The following CFAP46 variants were observed in gnomAD, a reference collection of about 807,000 sequenced individuals.
CFAP46 encodes the protein cilia and flagella associated protein 46, also known as cilia- and flagella-associated protein 46.
CFAP46 carries 245 observed loss-of-function variants against 325.7 expected under a neutral mutation model. That is an observed-to-expected ratio of 0.75 (90% CI 0.68 to 0.84). The LOEUF is 0.84. CFAP46 is among the 40% of genes least tolerant of loss of function. CFAP46 has a pLI of 0.00. For synonymous variants in CFAP46, 1,523 were observed against 1,495.9 expected (o/e 1.02, Z -0.42); for missense variants, 3,346 against 3,543.0 (o/e 0.94, Z 1.41).
chr10:132,853,172 G>A (rs7079097), intron 39 of CFAP46, among the ~76,000 whole-genome samples: 12,073 of 152,180 alleles, frequency 0.079, 1,227 homozygotes, highest in African/African-American at 0.24. Context: ...CAATTGTGAC[G>A]TTAGCTCTAG....
chr10:132,923,641 G>A (rs1012089289), intron 11 of CFAP46, among the ~76,000 whole-genome samples: 2 of 152,198 alleles, frequency 1.3e-5, no homozygotes, highest in East Asian at 1.9e-4. Context: ...AGGAGCCTGC[G>A]TTTGATGGCC....
chr10:132,884,999 C>A lies in CFAP46; in HGVS notation c.3627+104G>T. 2 of 1,243,408 alleles carry A rather than the reference C, an allele frequency of 1.6e-6. No homozygotes were observed. Among genetic ancestry groups the A allele is most frequent in the Non-Finnish European group, 2.2e-6 (2 of 912,734 alleles). The allele number at this position is 1,243,408 out of a possible 1,614,324, so 77.0% of individuals were successfully genotyped here. A position where few individuals can be genotyped will look rare whatever the true frequency, so the allele number is the denominator to read the frequency against. ...GTGCCCGTCAGCTGTGGCTGCTCTGCGTGCTGCCCCACACCAGGTCCCTGC... is the reference window on the plus strand; with the variant it reads ...GTGCCCGTCAGCTGTGGCTGCTCTGAGTGCTGCCCCACACCAGGTCCCTGC... On this transcript the variant is annotated intron_variant, in intron 27 of 57. Coordinates refer to ENST00000368586, the MANE Select transcript of CFAP46 (RefSeq NM_001200049.3). The surrounding 1 kb of genome is among the most constrained non-coding windows in gnomAD (Gnocchi z 5.4).
chr10:132,937,154 T>C (rs1564806710), intron 6 of CFAP46, 99 bp from the exon 7 acceptor site: 4 of 652,820 alleles, frequency 6.1e-6, no homozygotes, highest in Non-Finnish European at 9.3e-6. Context: ...ATTTTGTATC[T>C]AGCTTTTCAG....
chr10:132,832,801 G>A lies in CFAP46; in HGVS notation c.7117+557C>T. On this transcript the variant is annotated intron_variant, in intron 50 of 57. Coordinates refer to ENST00000368586, the MANE Select transcript of CFAP46 (RefSeq NM_001200049.3). This position sits in a 1 kb window ranked among gnomAD's most constrained non-coding sequence, Gnocchi z 4.1. ...CGCGCGCTCCCTCGTGCTTTTCACT[G>A]TCTGAGTGATTAACGGAGAGGCTGG... The A allele has an allele frequency of 2.1e-6, 1 of 471,174 alleles. No homozygotes were observed. Among genetic ancestry groups the A allele is most frequent in the Non-Finnish European group, 4.4e-6 (1 of 227,044 alleles). 29.2% of individuals were successfully genotyped at this position (471,174 alleles called of 1,614,324 possible).
intron 39 of CFAP46, among the ~76,000 whole-genome samples, chr10:132,854,162 C>T (rs914712060): frequency 5.9e-5 from 9 of 152,070 alleles, no homozygotes; most frequent in Non-Finnish European, 1.2e-4. Flanking sequence ...ATTTCCATCT[C>T]GGTATTGAAT....
rs555529702 is a variant in CFAP46 at position 132,916,989 on chromosome 10, G to A, written c.1987-307C>T. 3.9e-5 allele frequency among the ~76,000 whole-genome samples: 6 copies of A among 152,296 alleles called. No individual in the cohort carries two copies. The East Asian group carries it at 5.8e-4, about 15-fold the overall frequency. On this transcript the variant is annotated intron_variant, in intron 16 of 57. Transcript: ENST00000368586. ...TGGCTTCCCGGTATCAGCAGACACC[G>A]GCCAGCATTTGCACCTCCCCTACGT...
intron 20 of CFAP46, among the ~76,000 whole-genome samples, chr10:132,909,560 C>T (rs1849509578): frequency 6.6e-6 from 1 of 152,152 alleles, no homozygotes; most frequent in African/African-American, 2.4e-5. Context: ...TGGACCCTCC[C>T]CGCCTCCCTG....
At position 132,880,949 on chromosome 10, in the gene CFAP46, GTCC is replaced by G; in HGVS notation, c.3708_3710del (p.Glu1236del). 6.4e-7 allele frequency: 1 copy of G among 1,550,476 alleles called. No homozygotes were observed. The highest frequency in any genetic ancestry group is 8.7e-7 in the Non-Finnish European group (1 of 1,146,956). On this transcript the variant is annotated inframe_deletion, in exon 28 of 58. Transcript: ENST00000368586. Reference sequence around the variant, plus strand: ...CAGCCCAGCGGAGGTGGAAGACCACGTCCTCGAGAGGAAAGTGTCTGTGATGGA... The same window carrying G: ...CAGCCCAGCGGAGGTGGAAGACCACGTCGAGAGGAAAGTGTCTGTGATGGA...
chr10:132,864,373 CAG>C (rs1342218473), intron 35 of CFAP46, among the ~76,000 whole-genome samples: 6 of 112,218 alleles, frequency 5.3e-5, no homozygotes, highest in African/African-American at 8.1e-5. Flanking sequence ...CACCTGTCCC[CAG>C]TGCCTGAGAC....
intron 50 of CFAP46, among the ~76,000 whole-genome samples, chr10:132,819,637 C>G (rs374846943): frequency 1.3e-5 from 2 of 152,182 alleles, no homozygotes; most frequent in South Asian, 4.1e-4. Context: ...ACACACAATG[C>G]GGAAATGACG....
In CFAP46 at chr10:132,820,257, G is replaced by A. The variant is rs1025771373; in HGVS notation, c.7118-5343C>T. Among the ~76,000 whole-genome samples the A allele has an allele frequency of 3.9e-5, 6 of 152,366 alleles. No individual in the cohort carries two copies. In the South Asian group the frequency reaches 8.3e-4, roughly 21 times the overall value. On this transcript the variant is annotated intron_variant, in intron 50 of 57. Coordinates refer to ENST00000368586, the MANE Select transcript of CFAP46 (RefSeq NM_001200049.3). ...CGCAAAGTGAAAAAAGCCAGGCACC[G>A]AAGGCCAGAGGCTGCATGATTCCAT...
In CFAP46 at chr10:132,869,423, C is replaced by A; in HGVS notation, c.4512-51G>T. 1 of 1,362,546 alleles carries A rather than the reference C, an allele frequency of 7.3e-7. No individual in the cohort carries two copies. Among genetic ancestry groups the A allele is most frequent in the Admixed American group, 2.3e-5 (1 of 43,858 alleles). 84.4% of individuals were successfully genotyped at this position (1,362,546 alleles called of 1,614,324 possible). A position where few individuals can be genotyped will look rare whatever the true frequency, so the allele number is the denominator to read the frequency against. On this transcript the variant is annotated intron_variant, in intron 32 of 57. Transcript: ENST00000368586. The surrounding 1 kb of genome is among the most constrained non-coding windows in gnomAD (Gnocchi z 6.2). The stretch of plus-strand genomic sequence containing the variant: ...CAGTGTTGCACGGGCGCAGAGGGAG[C>A]CAGAAACGAAGCTACTAGTGTGCTT...
intron 22 of CFAP46, among the ~76,000 whole-genome samples, chr10:132,905,523 G>A (rs999721433): frequency 4.0e-5 from 6 of 149,176 alleles, no homozygotes; most frequent in Middle Eastern, 3.4e-3. Context: ...TAAAAATGGT[G>A]TATGGGAAGT....
chr10:132,824,002 CTG>C (rs1302382911), intron 50 of CFAP46, among the ~76,000 whole-genome samples: 4 of 56,382 alleles, frequency 7.1e-5, no homozygotes, highest in South Asian at 5.9e-4. Context: ...CTTGTTTGTG[CTG>C]TGTGTGTGCT....
intron 25 of CFAP46, among the ~76,000 whole-genome samples, chr10:132,890,261 G>T (rs555332419): frequency 6.6e-6 from 1 of 152,176 alleles, no homozygotes; most frequent in Non-Finnish European, 1.5e-5. Context: ...TACTGAAGGG[G>T]TCTGGGCTGC....
chr10:132,893,981 T>A (rs1391081516), intron 24 of CFAP46, among the ~76,000 whole-genome samples: 14 of 149,022 alleles, frequency 9.4e-5, no homozygotes, highest in African/African-American at 3.2e-4. Flanking sequence ...GGTTCACTGC[T>A]GGTAACACAC....
In CFAP46 at chr10:132,922,590, C is replaced by T. The variant is rs1198675250; in HGVS notation, c.1375G>A (p.Gly459Ser). ...LRKAARLDSL[G>S]LYRDRIQMAS... is the part of the protein sequence containing the mutation. ...ATCTGGATCCTGTCCCGGTAGAGGCCCAGGCTGTCCAGGCGCGCGGCTTTC... is the reference window on the plus strand; with the variant it reads ...ATCTGGATCCTGTCCCGGTAGAGGCTCAGGCTGTCCAGGCGCGCGGCTTTC... The change falls in exon 12 of 58, where the codon GGC becomes AGC. Residue 459 changes from glycine to serine, a missense_variant. By Grantham distance (56) the Gly-to-Ser change is moderately conservative (BLOSUM62 0). Transcript: ENST00000368586. The T allele has an allele frequency of 6.5e-7, 1 of 1,549,012 alleles. No homozygotes were observed. The highest frequency in any genetic ancestry group is 2.0e-5 in the Admixed American group (1 of 51,004).
chr10:132,934,823 G>A lies in CFAP46; in HGVS notation c.795C>T (p.Val265=). The A allele has an allele frequency of 6.2e-7, 1 of 1,612,596 alleles. No homozygotes were observed. Among genetic ancestry groups the A allele is most frequent in the African/African-American group, 1.3e-5 (1 of 75,022 alleles). ...AGTGTCTGTAGGCCTTCCTCAGAAT[G>A]ACACTGATGTCACCTGGTAAATCAT... ...EQNDLPGDIS[V]ILRKAYRHLG... The change falls in exon 8 of 58, where the codon GTC becomes GTT. Residue 265 remains valine (V), a synonymous_variant. Coordinates refer to ENST00000368586, the MANE Select transcript of CFAP46 (RefSeq NM_001200049.3).
intron 3 of CFAP46, 24 bp downstream of exon 3, chr10:132,941,567 T>G: frequency 6.2e-7 from 1 of 1,605,858 alleles, no homozygotes; most frequent in Non-Finnish European, 8.5e-7. Context: ...CTGTTGGGGA[T>G]AAGGGGCACA....
Sources: allele counts gnomAD v4.1 joint callset (sites outside exome capture counted in the v4.1 genomes callset), GRCh38; gene constraint gnomAD v4.1.1; non-coding constraint Gnocchi (gnomAD v3.1); transcripts MANE v1.5; gene names NCBI Gene and HGNC (gene_info 2026-07-23, HGNC 2026-07-21).